The following SLC44A5 variants were observed in gnomAD, a reference collection of about 807,000 sequenced individuals.
SLC44A5 encodes the protein choline transporter-like protein 5.
A neutral mutation model predicts 101.8 loss-of-function variants in SLC44A5; 57 were observed. The ratio of observed to expected loss-of-function variants is 0.56; its 90% CI spans 0.45 to 0.70. The LOEUF is 0.70. SLC44A5 is among the 30% of genes least tolerant of loss of function. The probability of loss-of-function intolerance (pLI) is 0.00; values close to 1 mark genes in which losing one functional copy is unlikely to be tolerated. For synonymous variants in SLC44A5, 281 were observed against 290.9 expected (o/e 0.97, Z 0.35); for missense variants, 737 against 853.1 (o/e 0.86, Z 1.70).
intron 2 of SLC44A5, among the ~76,000 whole-genome samples, chr1:75,485,610 C>A (rs891422267): frequency 3.3e-5 from 5 of 152,186 alleles, no homozygotes; most frequent in African/African-American, 1.2e-4. Context: ...CAACCTCTGC[C>A]TGCTTCCCAG....
At chr1:75,597,662 A>G (rs936025350) in intron 1 of SLC44A5, among the ~76,000 whole-genome samples, 5 of 152,234 alleles carry the variant, frequency 3.3e-5, no homozygotes, top group African/African-American at 9.6e-5. Flanking sequence ...CAACTGTCTG[A>G]TCTTCAGCAA....
At chr1:75,645,495 T>G in the SLC44A5 span, among the ~76,000 whole-genome samples, 15 of 152,024 alleles carry the variant, frequency 9.9e-5, no homozygotes, top group South Asian at 4.2e-4. Context: ...TCTTGTAAAT[T>G]TGTTTGAGTT....
intron 6 of SLC44A5, among the ~76,000 whole-genome samples, chr1:75,252,337 T>C (rs1649647495): frequency 1.3e-5 from 2 of 152,218 alleles, no homozygotes; most frequent in South Asian, 2.1e-4. Context: ...ATATTTTTCC[T>C]ACCACTCAAA....
upstream of SLC44A5, chr1:75,615,883 C>A: frequency 2.0e-6 from 2 of 987,696 alleles, no homozygotes; most frequent in Non-Finnish European, 2.4e-6. Flanking sequence ...CTCTTCTTGG[C>A]CATCTTCTGT....
At chr1:75,438,000 T>G (rs1164106908) in intron 2 of SLC44A5, among the ~76,000 whole-genome samples, 1 of 152,150 alleles carries the variant, frequency 6.6e-6, no homozygotes, top group Admixed American at 6.6e-5. Flanking sequence ...ATGCAGTGAT[T>G]TTGAGTAGGA....
rs1356905201 is a variant in SLC44A5, at chr1:75,378,918, C to T, written c.52+17665G>A. On this transcript the variant is annotated intron_variant, in intron 3 of 23. Coordinates refer to ENST00000370859, the MANE Select transcript of SLC44A5 (RefSeq NM_001130058.2). ...ATGCCCCCAGCACCACAGGGCAGGG[C>T]GCCATACCCTCAGCTGCCCACTAGG... is the stretch of plus-strand genomic sequence containing the variant. 9.7e-5 allele frequency among the ~76,000 whole-genome samples: 8 copies of T among 82,418 alleles called. 2 individuals carry two copies. The highest frequency in any genetic ancestry group is 7.2e-4 in the South Asian group (2 of 2,790). The allele number at this position is 82,418 out of a possible 152,430, so 54.1% of individuals were successfully genotyped here.
chr1:75,243,662 T>G (rs1648855936), intron 7 of SLC44A5, among the ~76,000 whole-genome samples: 2 of 152,204 alleles, frequency 1.3e-5, no homozygotes, highest in East Asian at 1.9e-4. Flanking sequence ...TGGTAAGAAC[T>G]TTCATAACCA....
chr1:75,610,225 T>C (rs1675576066), intron 1 of SLC44A5, among the ~76,000 whole-genome samples: 1 of 151,928 alleles, frequency 6.6e-6, no homozygotes, highest in Non-Finnish European at 1.5e-5. Flanking sequence ...TCTCTCTCCA[T>C]AGGTATATAC....
chr1:75,461,581 A>G (rs1201803024), intron 2 of SLC44A5, among the ~76,000 whole-genome samples: 2 of 152,212 alleles, frequency 1.3e-5, no homozygotes, highest in African/African-American at 2.4e-5. Context: ...AAAAGAAAAC[A>G]TAAAATTCTC....
the SLC44A5 span, among the ~76,000 whole-genome samples, chr1:75,682,512 C>G: frequency 6.6e-6 from 1 of 151,838 alleles, no homozygotes; most frequent in East Asian, 1.9e-4. Context: ...GGAAAGGATT[C>G]CCTATTTAAT....
chr1:75,682,193 G>A, the SLC44A5 span, among the ~76,000 whole-genome samples: 27 of 152,128 alleles, frequency 1.8e-4, no homozygotes, highest in East Asian at 3.9e-4. Context: ...GGTAATTTAC[G>A]GATTCAATGC....
At position 75,337,172 on chromosome 1, in the gene SLC44A5, G is replaced by T. The variant is rs116268509; in HGVS notation, c.101+2410C>A. On this transcript the variant is annotated intron_variant, in intron 4 of 23. Transcript: ENST00000370859. The stretch of plus-strand genomic sequence containing the variant: ...TTATCCCTGGATTCTATGTCACACT[G>T]CTTCCTTCCCATTCTTGTTTTCTTT... Among the ~76,000 whole-genome samples, 1,336 of 150,652 alleles carry T rather than the reference G, an allele frequency of 8.9e-3. 22 individuals carry two copies. Among genetic ancestry groups the T allele is most frequent in the African/African-American group, 0.031 (1,279 of 41,436 alleles).
chr1:75,684,697 G>C, the SLC44A5 span, among the ~76,000 whole-genome samples: 1 of 152,140 alleles, frequency 6.6e-6, no homozygotes, highest in Non-Finnish European at 1.5e-5. Flanking sequence ...CATGGTCTTG[G>C]GCAGCTCCGC....
the SLC44A5 span, among the ~76,000 whole-genome samples, chr1:75,676,358 A>G: frequency 6.6e-6 from 1 of 152,228 alleles, no homozygotes; most frequent in East Asian, 1.9e-4. Flanking sequence ...ATGAAATACT[A>G]TGCAGATGCA....
chr1:75,524,770 C>G (rs1018197024), intron 2 of SLC44A5, among the ~76,000 whole-genome samples: 4 of 151,850 alleles, frequency 2.6e-5, no homozygotes, highest in African/African-American at 7.3e-5. Flanking sequence ...TTTATATATC[C>G]AGCCCTTTAT....
chr1:75,626,904 C>CGCCA, the SLC44A5 span, among the ~76,000 whole-genome samples: 1 of 152,206 alleles, frequency 6.6e-6, no homozygotes, highest in South Asian at 2.1e-4. Context: ...TCTCCGCTAC[C>CGCCA]TGGCACCAGT....
At chr1:75,622,898 T>C in the SLC44A5 span, among the ~76,000 whole-genome samples, 1 of 152,134 alleles carries the variant, frequency 6.6e-6, no homozygotes, top group African/African-American at 2.4e-5. Context: ...CCCTCATATA[T>C]GAGTGAATCA....
At chr1:75,524,935 T>C (rs992382382) in intron 2 of SLC44A5, among the ~76,000 whole-genome samples, 1 of 152,166 alleles carries the variant, frequency 6.6e-6, no homozygotes, top group Non-Finnish European at 1.5e-5. Context: ...ATATTCAAAA[T>C]TGCCTATAAT....
chr1:75,212,680 C>T lies in SLC44A5; in HGVS notation c.1962+1025G>A, dbSNP rs41521849. 8.3e-3 allele frequency among the ~76,000 whole-genome samples: 1,257 copies of T among 152,146 alleles called. 14 individuals carry two copies. The highest frequency in any genetic ancestry group is 0.028 in the African/African-American group (1,178 of 41,496). On this transcript the variant is annotated intron_variant, in intron 22 of 23. Coordinates refer to ENST00000370859, the MANE Select transcript of SLC44A5 (RefSeq NM_001130058.2). The stretch of plus-strand genomic sequence containing the variant: ...GTATCTTGTACCCAAGGCAATAAAG[C>T]GTTAGGCATTAAGAGCACATACTGC...
Sources: gnomAD v4.1 joint callset for allele counts (sites outside exome capture counted in the v4.1 genomes callset) on GRCh38, gnomAD v4.1.1 for gene constraint, MANE v1.5 for transcripts, NCBI Gene and HGNC (gene_info 2026-07-23, HGNC 2026-07-21) for gene names.